The following PINX1 variants were observed in gnomAD, a reference collection of about 807,000 sequenced individuals.
PINX1 encodes the protein PIN2/TERF1-interacting telomerase inhibitor 1.
PINX1 carries 34 observed loss-of-function variants against 25.4 expected under a neutral mutation model. The observed-to-expected ratio is 1.34, with a 90% CI of 1.02 to 1.78. The LOEUF is 1.78. Among genes scored for constraint, PINX1 ranks in the 40% most tolerant of loss-of-function variants. The pLI, the probability that PINX1 is intolerant of heterozygous loss-of-function variation, is 0.00. For synonymous variants in PINX1, 197 were observed against 147.7 expected (o/e 1.33, Z -2.42); for missense variants, 592 against 404.9 (o/e 1.46, Z -3.97).
At chr8:10,834,621 T>G in intron 2 of PINX1, 45 bp downstream of exon 2, 1 of 1,598,062 alleles carries the variant, frequency 6.3e-7, no homozygotes, top group Non-Finnish European at 8.5e-7. Context: ...TAATTTCTAA[T>G]CTCTTTTCAT....
chr8:10,824,580 G>C (rs760578572), intron 5 of PINX1, among the ~76,000 whole-genome samples: 4 of 152,222 alleles, frequency 2.6e-5, no homozygotes, highest in African/African-American at 4.8e-5. Context: ...ACCCAGCAAA[G>C]GAGTGGCTTA....
chr8:10,834,540 T>C (rs1798335306), intron 2 of PINX1, 126 bp downstream of exon 2: 1 of 1,363,788 alleles, frequency 7.3e-7, no homozygotes, highest in Non-Finnish European at 9.7e-7. Context: ...CAATTTTTGA[T>C]TTGGGATCAA....
chr8:10,822,420 T>C (rs1797905832), intron 5 of PINX1, among the ~76,000 whole-genome samples: 1 of 152,240 alleles, frequency 6.6e-6, no homozygotes, highest in South Asian at 2.1e-4. Context: ...GAAACATCTA[T>C]CTGGATTTGG....
intron 6 of PINX1, among the ~76,000 whole-genome samples, chr8:10,809,850 A>G (rs1449303785): frequency 6.6e-6 from 1 of 152,228 alleles, no homozygotes; most frequent in African/African-American, 2.4e-5. Flanking sequence ...CTGTTTTTGT[A>G]TTGCTATAAA....
chr8:10,833,444 G>C (rs536850557), intron 2 of PINX1: 11 of 157,182 alleles, frequency 7.0e-5, no homozygotes, highest in African/African-American at 2.6e-4. Context: ...AAATGGGCCA[G>C]AGGAGAAAAA....
intron 6 of PINX1, among the ~76,000 whole-genome samples, chr8:10,780,344 C>T (rs1376986941): frequency 1.3e-5 from 2 of 152,170 alleles, no homozygotes; most frequent in Admixed American, 6.5e-5. Context: ...ATGACACTAA[C>T]TATGGGTTTT....
chr8:10,825,552 C>T (rs1032048758), intron 5 of PINX1: 3 of 489,044 alleles, frequency 6.1e-6, no homozygotes, highest in Non-Finnish European at 1.3e-5. Context: ...CAAATGATTT[C>T]ACATACTGGG....
At chr8:10,768,941 A>G (rs547794969) in intron 6 of PINX1, among the ~76,000 whole-genome samples, 3 of 152,338 alleles carry the variant, frequency 2.0e-5, no homozygotes, top group East Asian at 3.9e-4. Context: ...TGAAATGACA[A>G]TAACTTGCAT....
At chr8:10,766,900 A>T (rs1320121441) in intron 6 of PINX1, among the ~76,000 whole-genome samples, 2 of 152,198 alleles carry the variant, frequency 1.3e-5, no homozygotes, top group Admixed American at 6.5e-5. Context: ...GCTGGCAGTA[A>T]GGTGAGGAGG....
At chr8:10,777,798 C>G (rs910906647) in intron 6 of PINX1, among the ~76,000 whole-genome samples, 1 of 152,202 alleles carries the variant, frequency 6.6e-6, no homozygotes, top group African/African-American at 2.4e-5. Context: ...CTGCCCGTCA[C>G]TGCCTTGTGC....
At chr8:10,825,902 C>G (rs1369763412) in intron 5 of PINX1, among the ~76,000 whole-genome samples, 1 of 152,190 alleles carries the variant, frequency 6.6e-6, no homozygotes, top group Non-Finnish European at 1.5e-5. Flanking sequence ...CATTTTTTAG[C>G]TCAGCCACAG....
In PINX1 at chr8:10,765,561, T is replaced by C. The variant is rs1205281818; in HGVS notation, c.827A>G (p.Asp276Gly). Reference protein sequence around the residue: ...WDQSSKASAQDAGDHVQPPEG... With the variant: ...WDQSSKASAQGAGDHVQPPEG... ...AGGCGGCTGCACATGGTCCCCTGCA[T>C]CCTGAGCAGAGGCCTTGGAACTCTG... is the stretch of plus-strand genomic sequence containing the variant. Residue 276 changes from aspartate (D) to glycine (G), a missense_variant, in exon 7 of 7, where the codon GAT becomes GGT. By Grantham distance (94) the Asp-to-Gly change is moderately conservative. Coordinates refer to ENST00000314787, the MANE Select transcript of PINX1 (RefSeq NM_017884.6). 8 of 1,613,666 alleles carry C rather than the reference T, an allele frequency of 5.0e-6. No individual in the cohort carries two copies. The highest frequency in any genetic ancestry group is 5.9e-6 in the Non-Finnish European group (7 of 1,179,894).
At chr8:10,823,177 G>A (rs888928221) in intron 5 of PINX1, among the ~76,000 whole-genome samples, 4 of 152,172 alleles carry the variant, frequency 2.6e-5, no homozygotes, top group Non-Finnish European at 5.9e-5. Context: ...CTGAGGGGCG[G>A]GGCTGACTGC....
chr8:10,829,115 G>A (rs185606345), intron 4 of PINX1, among the ~76,000 whole-genome samples: 8 of 151,992 alleles, frequency 5.3e-5, no homozygotes, highest in African/African-American at 1.4e-4. Context: ...GTGAAACCCC[G>A]TCTCTATTAA....
chr8:10,765,925 G>C lies in PINX1; in HGVS notation c.472-9C>G. Reference sequence around the variant, plus strand: ...GAGGGACTGGCATCGCCCTATGGTGGGCAGAAGAGTTAAAAGGCAGGTAAG... The same window carrying C: ...GAGGGACTGGCATCGCCCTATGGTGCGCAGAAGAGTTAAAAGGCAGGTAAG... On this transcript the variant is annotated splice_polypyrimidine_tract_variant and intron_variant, in intron 6 of 6. Coordinates refer to ENST00000314787, the MANE Select transcript of PINX1 (RefSeq NM_017884.6). The C allele has an allele frequency of 6.2e-7, 1 of 1,610,466 alleles. No homozygotes were observed. Among genetic ancestry groups the C allele is most frequent in the African/African-American group, 1.3e-5 (1 of 74,782 alleles).
chr8:10,817,894 A>G (rs1197733671), intron 6 of PINX1, among the ~76,000 whole-genome samples: 3 of 152,100 alleles, frequency 2.0e-5, no homozygotes, highest in Admixed American at 2.0e-4. Context: ...TCCTTACTGA[A>G]CGTCAGAATA....
intron 6 of PINX1, among the ~76,000 whole-genome samples, chr8:10,814,401 C>T (rs1216727364): frequency 2.0e-5 from 3 of 152,132 alleles, no homozygotes; most frequent in African/African-American, 4.8e-5. Context: ...TACGAAGCAC[C>T]AATGAAGTCA....
chr8:10,837,307 C>G (rs1431801847), intron 1 of PINX1, among the ~76,000 whole-genome samples: 3 of 152,212 alleles, frequency 2.0e-5, no homozygotes, highest in African/African-American at 7.2e-5. Context: ...GAACTCACTA[C>G]TGGAGGAATT....
At chr8:10,769,173 C>G (rs980604888) in intron 6 of PINX1, among the ~76,000 whole-genome samples, 4 of 152,136 alleles carry the variant, frequency 2.6e-5, no homozygotes, top group Non-Finnish European at 5.9e-5. Flanking sequence ...GATTTAAGCT[C>G]AGGGATTCGG....
Sources: allele counts gnomAD v4.1 joint callset (sites outside exome capture counted in the v4.1 genomes callset), GRCh38; gene constraint gnomAD v4.1.1; transcripts MANE v1.5; gene names NCBI Gene and HGNC (gene_info 2026-07-23, HGNC 2026-07-21).